The following ZNF232 variants were observed in gnomAD, a reference collection of about 807,000 sequenced individuals.
ZNF232 encodes zinc finger protein 232.
In ZNF232, 25 loss-of-function variants were observed where a neutral mutation model predicts 25.2. The observed-to-expected ratio is 0.99, with a 90% CI of 0.72 to 1.39. ZNF232 has a LOEUF of 1.39. Among genes scored for constraint, ZNF232 ranks in the 40% most tolerant of loss-of-function variants. The pLI, the probability that ZNF232 is intolerant of heterozygous loss-of-function variation, is 0.00. For missense variants in ZNF232, 519 were observed against 520.9 expected (o/e 1.00, Z 0.04); for synonymous variants, 193 against 182.9 (o/e 1.06, Z -0.45).
Position 5,106,411 on chromosome 17 carries a change from C to CA in ZNF232, c.720dup (p.Ala241CysfsTer3). ...GCTTCAAATGTAGAGGTGTCAGTAG[C>CA]AAGTTTTTCTGAGAACACCTGTGAT... is the stretch of plus-strand genomic sequence containing the variant. On this transcript the variant is annotated frameshift_variant, in exon 4 of 4. Coordinates refer to ENST00000575898, the Ensembl canonical transcript of ZNF232. LOFTEE classifies it low-confidence loss of function (END_TRUNC). The CA allele has an allele frequency of 6.2e-7, 1 of 1,614,202 alleles. No homozygotes were observed. Among genetic ancestry groups the CA allele is most frequent in the East Asian group, 2.2e-5 (1 of 44,890 alleles).
intron 1 of ZNF232, among the ~76,000 whole-genome samples, 171 bp from the exon 2 acceptor site, chr17:5,110,039 G>A (rs2072362996): frequency 6.6e-6 from 1 of 152,066 alleles, no homozygotes; most frequent in Non-Finnish European, 1.5e-5. Flanking sequence ...ACAGGCGCCT[G>A]CCACCACATC....
At chr17:5,110,419 A>G (rs1465331647) in intron 1 of ZNF232, among the ~76,000 whole-genome samples, 2 of 152,078 alleles carry the variant, frequency 1.3e-5, no homozygotes, top group Non-Finnish European at 2.9e-5. Flanking sequence ...TGTATCAAGA[A>G]AAAAAAAGTT....
At chr17:5,110,183 C>T (rs776978442) in intron 1 of ZNF232, among the ~76,000 whole-genome samples, 8 of 139,584 alleles carry the variant, frequency 5.7e-5, no homozygotes, top group Admixed American at 2.1e-4. Flanking sequence ...TGAGCCACCG[C>T]GCCCGTCCTC....
chr17:5,117,272 C>T (rs1470693857), intron 1 of ZNF232, among the ~76,000 whole-genome samples: 3 of 152,182 alleles, frequency 2.0e-5, no homozygotes, highest in Non-Finnish European at 4.4e-5. Context: ...AATCCCAGCA[C>T]TTTGGGAGGC....
chr17:5,106,036 C>A, exon 4 of ZNF232: 1 of 1,614,142 alleles, frequency 6.2e-7, no homozygotes, highest in Non-Finnish European at 8.5e-7. Context: ...TGATGCTGAA[C>A]AAGATGAGCA....
At chr17:5,116,672 A>T (rs1398869268), upstream of ZNF232, 1 of 152,188 alleles carries the variant, frequency 6.6e-6, no homozygotes, top group Non-Finnish European at 1.5e-5. Context: ...GAGACCCAAG[A>T]CTGTACCGCC....
chr17:5,111,872 G>A (rs776036141), upstream of ZNF232: 1 of 1,611,026 alleles, frequency 6.2e-7, no homozygotes, highest in Non-Finnish European at 8.5e-7. Context: ...CCCAGGGGCA[G>A]GTTTGCGCCT....
chr17:5,106,247 T>C (rs1451383955), exon 4 of ZNF232: 2 of 1,614,260 alleles, frequency 1.2e-6, no homozygotes, highest in Middle Eastern at 1.6e-4. Flanking sequence ...ATTCACTACA[T>C]TCATGGTCTT....
intron 1 of ZNF232, among the ~76,000 whole-genome samples, chr17:5,120,263 G>GT (rs1481436849): frequency 3.9e-5 from 6 of 152,266 alleles, no homozygotes; most frequent in Middle Eastern, 3.4e-3. Context: ...GTGCTGTGGG[G>GT]TTGGTGGTGG....
In ZNF232 at chr17:5,106,288, C is replaced by T. The variant is rs200025811; in HGVS notation, c.844G>A (p.Val282Ile). The stretch of plus-strand genomic sequence containing the variant: ...CCTGTGGGAATTTCCTTATGGATGA[C>T]AACCATCTGCCTGAAACTTTCCTCC... Residue 282 changes from valine (V) to isoleucine (I), a missense_variant, in exon 4 of 4, where the codon GTC becomes ATC. Physicochemically the swap from Val to Ile is conservative, Grantham distance 29 (BLOSUM62 3). Coordinates refer to ENST00000575898, the Ensembl canonical transcript of ZNF232. 120 of 1,614,236 alleles carry T rather than the reference C, an allele frequency of 7.4e-5. No individual in the cohort carries two copies. Among genetic ancestry groups the T allele is most frequent in the Non-Finnish European group, 5.3e-5 (62 of 1,180,044 alleles).
chr17:5,108,728 G>T, intron 3 of ZNF232, 198 bp downstream of exon 3: 1 of 709,446 alleles, frequency 1.4e-6, no homozygotes, highest in Non-Finnish European at 2.2e-6. Context: ...GCTATCTTAT[G>T]AGGTAGTTTA....
intron 1 of ZNF232, among the ~76,000 whole-genome samples, chr17:5,118,641 G>T (rs1018254624): frequency 5.3e-5 from 8 of 152,252 alleles, no homozygotes; most frequent in Non-Finnish European, 1.2e-4. Flanking sequence ...AGCCAAACTT[G>T]GTGGGTCCCA....
chr17:5,110,826 C>T (rs150339207), intron 1 of ZNF232, among the ~76,000 whole-genome samples: 2 of 152,160 alleles, frequency 1.3e-5, no homozygotes, highest in African/African-American at 4.8e-5. Flanking sequence ...ACACAAGCCA[C>T]AGTAGGATCC....
upstream of ZNF232, among the ~76,000 whole-genome samples, chr17:5,112,537 C>T (rs987398780): frequency 5.3e-5 from 8 of 151,454 alleles, no homozygotes; most frequent in Admixed American, 4.6e-4. Context: ...CTGCAAGCTC[C>T]GCCTCCCGGG....
upstream of ZNF232, among the ~76,000 whole-genome samples, chr17:5,112,690 G>T (rs919892315): frequency 6.6e-6 from 1 of 151,710 alleles, no homozygotes; most frequent in East Asian, 1.9e-4. Context: ...CTGACCTCGT[G>T]ATCCGCCCGT....
At chr17:5,115,406 C>G (rs1253855265), upstream of ZNF232, among the ~76,000 whole-genome samples, 1 of 152,016 alleles carries the variant, frequency 6.6e-6, no homozygotes, top group African/African-American at 2.4e-5. Context: ...ACAAAATTAG[C>G]CTGGCGTGGT....
rs769845008 is a variant in ZNF232, at chr17:5,109,591, G to A, written c.301C>T (p.Arg101Ter). 4 of 1,614,096 alleles carry A rather than the reference G, an allele frequency of 2.5e-6. No homozygotes were observed. The highest frequency in any genetic ancestry group is 2.2e-5 in the South Asian group (2 of 91,086). ...CTCAGCCACTCACAGCAGAGTACTC[G>A]TAGTTGGCTCAAGGCCTCCCGGGGA... The change falls in exon 2 of 4, where the codon CGA becomes TGA. Residue 101 changes from arginine (R) to a stop codon, truncating the protein, a stop_gained. Transcript: ENST00000575898. LOFTEE classifies it high-confidence loss of function.
chr17:5,115,575 CAA>C (rs1491438480), upstream of ZNF232, among the ~76,000 whole-genome samples: 2 of 149,554 alleles, frequency 1.3e-5, no homozygotes, highest in African/African-American at 5.0e-5. Context: ...CACACACACA[CAA>C]AACCCAAAAC....
exon 2 of ZNF232, chr17:5,109,434 A>G (rs751055107): frequency 6.2e-7 from 1 of 1,613,980 alleles, no homozygotes; most frequent in South Asian, 1.1e-5. Context: ...ATCCTCCAGC[A>G]CAGTCACAGC....
Sources: allele counts gnomAD v4.1 joint callset (sites outside exome capture counted in the v4.1 genomes callset), GRCh38; gene constraint gnomAD v4.1.1; transcripts MANE v1.5; gene names NCBI Gene and HGNC (gene_info 2026-07-23, HGNC 2026-07-21).